PAX9: variants seen among roughly 807,000 people sequenced by gnomAD.
PAX9 encodes the protein paired box protein Pax-9.
In PAX9, 6 loss-of-function variants were observed where a neutral mutation model predicts 29.1. The ratio of observed to expected loss-of-function variants is 0.21; its 90% CI spans 0.11 to 0.41. The LOEUF (loss-of-function observed/expected upper bound fraction) is 0.41. Ranked by LOEUF, PAX9 falls within the 10% of genes least tolerant of loss-of-function variation. PAX9 has a pLI of 1.00. For missense variants in PAX9, 443 were observed against 479.1 expected, an observed-to-expected ratio of 0.92 and a Z score of 0.70; for synonymous variants, 217 against 211.7, an observed-to-expected ratio of 1.03 and a Z score of -0.22.
chr14:36,667,053 C>T (rs1881531912), intron 3 of PAX9, among the ~76,000 whole-genome samples: 2 of 152,324 alleles, frequency 1.3e-5, no homozygotes, highest in South Asian at 4.1e-4. Flanking sequence ...CCCCGGGTCT[C>T]GGCCCCACGG....
chr14:36,669,162 C>A (rs886650463), intron 3 of PAX9, among the ~76,000 whole-genome samples: 1 of 152,086 alleles, frequency 6.6e-6, no homozygotes, highest in Admixed American at 6.5e-5. Flanking sequence ...TGAAGATGTG[C>A]CAAGTTCAGC....
intron 3 of PAX9, among the ~76,000 whole-genome samples, chr14:36,672,852 CTTTTTTTTTTTTTTTTT>C (rs3061562): frequency 1.6e-4 from 3 of 19,160 alleles, no homozygotes; most frequent in South Asian, 8.1e-3. Flanking sequence ...TTCTTTCTTC[CTTTTTTTTTTTTTTTTT>C]TTTTTTTTTT....
chr14:36,662,649 A>G, intron 1 of PAX9: 1 of 565,012 alleles, frequency 1.8e-6, no homozygotes, highest in Non-Finnish European at 3.1e-6. Context: ...GAGGCCCGGC[A>G]TCTCACCACT....
chr14:36,674,605 A>G (rs1452332712), intron 3 of PAX9, among the ~76,000 whole-genome samples: 1 of 152,222 alleles, frequency 6.6e-6, no homozygotes, highest in Non-Finnish European at 1.5e-5. Context: ...TTTGTGACAC[A>G]CTATCTTGTA....
intron 3 of PAX9, among the ~76,000 whole-genome samples, chr14:36,672,359 G>A (rs1358287792): frequency 6.6e-6 from 1 of 152,128 alleles, no homozygotes; most frequent in Non-Finnish European, 1.5e-5. Flanking sequence ...ACATTAAACC[G>A]ATTTGGGACG....
rs2139123186 is a variant in PAX9, at chr14:36,676,345, G to A, written c.919G>A (p.Gly307Ser). ...TGGACATGGGTGGCAACATGCTGGG[G>A]GCACCTCATTGTCTCCCCACAACTG... is the stretch of plus-strand genomic sequence containing the variant. The part of the protein sequence containing the change: ...VAGHGWQHAG[G>S]TSLSPHNCDI... Residue 307 changes from glycine (G) to serine (S), a missense_variant, in exon 4 of 4, where the codon GGC becomes AGC. This residue lies in a region of PAX9 where 336 missense variants were observed against 317.2 expected (regional missense o/e 1.06). Transcript: ENST00000361487. The A allele has an allele frequency of 3.7e-6, 6 of 1,614,098 alleles. No individual in the cohort carries two copies. The highest frequency in any genetic ancestry group is 5.1e-6 in the Non-Finnish European group (6 of 1,180,026).
chr14:36,661,732 G>C (rs1197561022), upstream of PAX9: 14 of 387,594 alleles, frequency 3.6e-5, no homozygotes, highest in South Asian at 6.2e-4. Flanking sequence ...AAGAGACAGC[G>C]GAAGGAGTTT....
intron 3 of PAX9, 69 bp from the exon 4 acceptor site, chr14:36,676,129 T>G: frequency 6.4e-7 from 1 of 1,551,678 alleles, no homozygotes; most frequent in Non-Finnish European, 8.9e-7. Context: ...TTCTGCTTCT[T>G]TCTAAGAACG....
upstream of PAX9, among the ~76,000 whole-genome samples, chr14:36,661,493 G>A (rs1326732949): frequency 2.0e-5 from 3 of 152,172 alleles, no homozygotes; most frequent in African/African-American, 4.8e-5. Flanking sequence ...GGTGGCGCCC[G>A]CCTCCCACCT....
At chr14:36,659,345 G>T (rs1881167041), upstream of PAX9, among the ~76,000 whole-genome samples, 1 of 152,014 alleles carries the variant, frequency 6.6e-6, no homozygotes, top group African/African-American at 2.4e-5. Flanking sequence ...CAGATCCGTC[G>T]TCTCTCGGTC....
At chr14:36,665,359 T>C (rs542404286) in intron 2 of PAX9, among the ~76,000 whole-genome samples, 1 of 152,142 alleles carries the variant, frequency 6.6e-6, no homozygotes, top group African/African-American at 2.4e-5. Flanking sequence ...TTTGTGATTA[T>C]AAAAATGATC....
intron 3 of PAX9, among the ~76,000 whole-genome samples, chr14:36,672,547 A>G (rs1192469191): frequency 6.6e-6 from 1 of 152,192 alleles, no homozygotes; most frequent in Non-Finnish European, 1.5e-5. Flanking sequence ...TAATAGTGAG[A>G]AAATTGATGT....
chr14:36,674,011 A>C (rs1566477061), intron 3 of PAX9, among the ~76,000 whole-genome samples: 1 of 152,360 alleles, frequency 6.6e-6, no homozygotes, highest in East Asian at 1.9e-4. Flanking sequence ...AATTGGATTT[A>C]TTTCTTTCCA....
At chr14:36,664,892 G>C (rs766233997) in intron 2 of PAX9, among the ~76,000 whole-genome samples, 3 of 152,162 alleles carry the variant, frequency 2.0e-5, no homozygotes, top group Non-Finnish European at 2.9e-5. Context: ...GCTACTTGGA[G>C]CCATAGTTGG....
At chr14:36,664,014 T>A (rs1377031170) in intron 2 of PAX9, among the ~76,000 whole-genome samples, 1 of 152,206 alleles carries the variant, frequency 6.6e-6, no homozygotes, top group African/African-American at 2.4e-5. Flanking sequence ...ATTGAAGTAT[T>A]CTCCGATTCT....
At position 36,661,915 on chromosome 14, in the gene PAX9, G is replaced by T; in HGVS notation, c.-175G>T. On this transcript the variant is annotated 5_prime_UTR_variant, in exon 1 of 4. Coordinates refer to ENST00000361487, the MANE Select transcript of PAX9 (RefSeq NM_001372076.1). ...ATGCAGAACTCAAGCCTCTTTCATC[G>T]GGGCACAGACTTCCTTTTACTTCTT... is the stretch of plus-strand genomic sequence containing the variant. 2.7e-6 allele frequency: 2 copies of T among 753,274 alleles called. No individual in the cohort carries two copies. The highest frequency in any genetic ancestry group is 2.3e-6 in the Non-Finnish European group (1 of 435,428). 46.7% of individuals were successfully genotyped at this position (753,274 alleles called of 1,614,324 possible). A position where few individuals can be genotyped will look rare whatever the true frequency, so the allele number is the denominator to read the frequency against.
chr14:36,678,458 C>T lies in PAX9; in HGVS notation c.*2006C>T, dbSNP rs1367013396. The T allele has an allele frequency of 6.6e-7, 1 of 1,524,738 alleles. No individual in the cohort carries two copies. The highest frequency in any genetic ancestry group is 8.8e-7 in the Non-Finnish European group (1 of 1,135,612). The allele number at this position is 1,524,738 out of a possible 1,614,324, so 94.5% of individuals were successfully genotyped here. Reference sequence around the variant, plus strand: ...ATAGTCTTCCTTTGATCTTGTAAAACTTCCATTGACATCTGGAGTTCCCAG... The same window carrying T: ...ATAGTCTTCCTTTGATCTTGTAAAATTTCCATTGACATCTGGAGTTCCCAG... On this transcript the variant is annotated 3_prime_UTR_variant, in exon 4 of 4. Coordinates refer to ENST00000361487, the MANE Select transcript of PAX9 (RefSeq NM_001372076.1).
chr14:36,661,226 C>T (rs1174391415), upstream of PAX9, among the ~76,000 whole-genome samples: 1 of 152,232 alleles, frequency 6.6e-6, no homozygotes, highest in Non-Finnish European at 1.5e-5. Context: ...GGCCGGTCCA[C>T]CTGGACTGGG....
chr14:36,676,795 C>A lies in PAX9; in HGVS notation c.*343C>A. The stretch of plus-strand genomic sequence containing the variant: ...TACAAACTAGTCTTTGGTAAAACCA[C>A]ATGTGTATATTTATTCTAAATCAAC... On this transcript the variant is annotated 3_prime_UTR_variant, in exon 4 of 4. Coordinates refer to ENST00000361487, the MANE Select transcript of PAX9 (RefSeq NM_001372076.1). 3.0e-6 allele frequency: 1 copy of A among 335,514 alleles called. No homozygotes were observed. Among genetic ancestry groups the A allele is most frequent in the Admixed American group, 4.3e-5 (1 of 23,236 alleles). The allele number at this position is 335,514 out of a possible 1,614,324, so 20.8% of individuals were successfully genotyped here.
Sources: gnomAD v4.1 joint callset for allele counts (sites outside exome capture counted in the v4.1 genomes callset) on GRCh38, gnomAD v4.1.1 for gene constraint, gnomAD v4.1.1 regional missense constraint, MANE v1.5 for transcripts, NCBI Gene and HGNC (gene_info 2026-07-23, HGNC 2026-07-21) for gene names.